CHI3L2: variants seen among roughly 807,000 people sequenced by gnomAD.
The protein encoded by CHI3L2 is chitinase 3 like 2.
A neutral mutation model predicts 47.3 loss-of-function variants in CHI3L2; 47 were observed. That is an observed-to-expected ratio of 0.99 (90% confidence interval 0.79 to 1.27). The LOEUF (loss-of-function observed/expected upper bound fraction) is 1.27, where lower values mean the gene tolerates loss of function less well. Among genes scored for constraint, CHI3L2 ranks in the 50% most tolerant of loss-of-function variants. CHI3L2 has a pLI of 0.00. For synonymous variants in CHI3L2, 198 were observed against 169.9 expected (o/e 1.17, Z -1.28); for missense variants, 497 against 462.1 (o/e 1.08, Z -0.69).
At chr1:111,229,194 C>A (rs1659616850) in intron 1 of CHI3L2, among the ~76,000 whole-genome samples, 1 of 152,280 alleles carries the variant, frequency 6.6e-6, no homozygotes, top group East Asian at 1.9e-4. Flanking sequence ...ACTATGAGCT[C>A]CTTGAGTGCA....
At chr1:111,242,618 T>A (rs574857089) in intron 10 of CHI3L2, 4 of 308,636 alleles carry the variant, frequency 1.3e-5, no homozygotes, top group African/African-American at 8.7e-5. Context: ...CTAAAGACTT[T>A]CATTACATAT....
At position 111,229,890 on chromosome 1, in the gene CHI3L2, T is replaced by G; in HGVS notation, c.70+9T>G. ...GCTGCTTCTCCAGGGAGGTAAGTAG[T>G]CAATAAGTCACTACCGCCTGGATCT... On this transcript the variant is annotated intron_variant, in intron 2 of 10. Transcript: ENST00000369748. 6.2e-7 allele frequency: 1 copy of G among 1,613,856 alleles called. No individual in the cohort carries two copies. The highest frequency in any genetic ancestry group is 8.5e-7 in the Non-Finnish European group (1 of 1,179,872).
chr1:111,233,890 G>A (rs534711280), intron 4 of CHI3L2, among the ~76,000 whole-genome samples: 14 of 152,262 alleles, frequency 9.2e-5, no homozygotes, highest in African/African-American at 2.6e-4. Flanking sequence ...CGGTGACCTT[G>A]CCCCCAACCC....
At chr1:111,234,369 G>T (rs140942072) in intron 4 of CHI3L2, among the ~76,000 whole-genome samples, 1 of 152,136 alleles carries the variant, frequency 6.6e-6, no homozygotes, top group Non-Finnish European at 1.5e-5. Flanking sequence ...GCAATCAGTG[G>T]ATGGAAAATC....
intron 4 of CHI3L2, among the ~76,000 whole-genome samples, chr1:111,233,363 G>A (rs528850712): frequency 5.9e-5 from 9 of 152,280 alleles, no homozygotes; most frequent in African/African-American, 1.9e-4. Flanking sequence ...CATGAAGCAG[G>A]ATTAGTACCC....
chr1:111,240,797 C>G (rs1660025785), intron 8 of CHI3L2, among the ~76,000 whole-genome samples: 2 of 152,058 alleles, frequency 1.3e-5, no homozygotes, highest in Non-Finnish European at 2.9e-5. Flanking sequence ...AGCCCCAGGA[C>G]AGGGCATATT....
chr1:111,241,193 C>T, intron 8 of CHI3L2, 134 bp from the exon 9 acceptor site: 1 of 730,060 alleles, frequency 1.4e-6, no homozygotes, highest in Non-Finnish European at 2.5e-6. Context: ...GGTCATTTCT[C>T]TCATTGTCTG....
At chr1:111,232,600 G>A (rs1659755939) in intron 4 of CHI3L2, among the ~76,000 whole-genome samples, 1 of 152,176 alleles carries the variant, frequency 6.6e-6, no homozygotes, top group African/African-American at 2.4e-5. Flanking sequence ...CAAGCAAACT[G>A]TTTAGCATAG....
intron 2 of CHI3L2, 83 bp from the exon 3 acceptor site, chr1:111,230,659 C>A: frequency 8.7e-7 from 1 of 1,144,478 alleles, no homozygotes; most frequent in Non-Finnish European, 1.3e-6. Context: ...GATGCAATGG[C>A]TGTCTTGGGG....
intron 1 of CHI3L2, 133 bp downstream of exon 1, chr1:111,227,902 A>T: frequency 1.2e-6 from 1 of 868,150 alleles, no homozygotes; most frequent in Non-Finnish European, 1.9e-6. Flanking sequence ...AAAAATTTCA[A>T]GCCAATGCAA....
At chr1:111,241,560 A>C in intron 9 of CHI3L2, 117 bp downstream of exon 9, 1 of 643,488 alleles carries the variant, frequency 1.6e-6, no homozygotes, top group Non-Finnish European at 2.8e-6. Context: ...CTAGGATGGG[A>C]TCCAGCAGCC....
chr1:111,238,422 T>C (rs1659946295), intron 7 of CHI3L2, among the ~76,000 whole-genome samples: 1 of 152,228 alleles, frequency 6.6e-6, no homozygotes, highest in African/African-American at 2.4e-5. Flanking sequence ...TGTAGACAAG[T>C]TCCACAGGGA....
At chr1:111,242,110 A>C in intron 9 of CHI3L2, 117 bp from the exon 10 acceptor site, 1 of 1,338,304 alleles carries the variant, frequency 7.5e-7, no homozygotes, top group Non-Finnish European at 1.0e-6. Flanking sequence ...TAACTCCAGA[A>C]AACCAGTTAG....
chr1:111,236,986 T>C (rs949631794), intron 7 of CHI3L2, among the ~76,000 whole-genome samples: 8 of 152,346 alleles, frequency 5.3e-5, no homozygotes, highest in Non-Finnish European at 1.0e-4. Context: ...ACAGAACTGG[T>C]TGAGCCAGAT....
In CHI3L2 at chr1:111,231,260, T is replaced by C. The variant is rs745775417; in HGVS notation, c.295T>C (p.Leu99=). The C allele has an allele frequency of 6.2e-7, 1 of 1,611,476 alleles. No homozygotes were observed. Among genetic ancestry groups the C allele is most frequent in the Non-Finnish European group, 8.5e-7 (1 of 1,177,722 alleles). ...KTKNPKLKIL[L]SIGGYLFGSK... is the part of the protein sequence containing the mutation. ...CAGGAATCCCAAACTGAAAATTCTC[T>C]TGTCCATTGGAGGGTACCTGTTTGG... is the stretch of plus-strand genomic sequence containing the variant. The change falls in exon 4 of 11, where the codon TTG becomes CTG. Residue 99 remains leucine (L), a synonymous_variant. Transcript: ENST00000369748.
intron 3 of CHI3L2, 41 bp from the exon 4 acceptor site, chr1:111,231,197 G>A (rs1366793869): frequency 1.3e-6 from 2 of 1,520,000 alleles, no homozygotes; most frequent in Middle Eastern, 1.7e-4. Flanking sequence ...GGCTTCCCTG[G>A]CAGCCAGAAA....
chr1:111,242,585 C>T (rs1473071044), intron 10 of CHI3L2: 5 of 388,364 alleles, frequency 1.3e-5, no homozygotes, highest in African/African-American at 8.3e-5. Context: ...ATTTTGGCTA[C>T]CATTTATTGA....
chr1:111,234,856 A>G (rs1357216828), intron 4 of CHI3L2, 51 bp from the exon 5 acceptor site: 9 of 1,572,082 alleles, frequency 5.7e-6, no homozygotes, highest in Admixed American at 1.7e-5. Flanking sequence ...GTGTTACACT[A>G]CAAGTGTTAC....
chr1:111,231,154 C>T, intron 3 of CHI3L2, 84 bp from the exon 4 acceptor site: 1 of 1,242,844 alleles, frequency 8.0e-7, no homozygotes, highest in South Asian at 1.3e-5. Context: ...TGTCCATTTT[C>T]TCTACACTTA....
Sources: allele counts gnomAD v4.1 joint callset (sites outside exome capture counted in the v4.1 genomes callset), GRCh38; gene constraint gnomAD v4.1.1; transcripts MANE v1.5; gene names NCBI Gene and HGNC (gene_info 2026-07-23, HGNC 2026-07-21).